PITPNM2: variants seen among roughly 807,000 people sequenced by gnomAD.
PITPNM2 encodes the protein membrane-associated phosphatidylinositol transfer protein 2.
PITPNM2 carries 35 observed loss-of-function variants against 132.2 expected under a neutral mutation model. The ratio of observed to expected loss-of-function variants is 0.26; its 90% CI spans 0.20 to 0.35. The LOEUF (loss-of-function observed/expected upper bound fraction) is 0.35. PITPNM2 is among the 10% of genes least tolerant of loss of function. The pLI is 1.00. For missense variants in PITPNM2, 1,332 were observed against 1,912.0 expected (o/e 0.70, Z 5.66); for synonymous variants, 738 against 799.2 (o/e 0.92, Z 1.29).
In PITPNM2 at chr12:122,993,989, C is replaced by T. The variant is rs922875303; in HGVS notation, c.2233+812G>A. On this transcript the variant is annotated intron_variant, in intron 15 of 25. Coordinates refer to ENST00000320201, the MANE Select transcript of PITPNM2 (RefSeq NM_020845.3). This position sits in a 1 kb window ranked among gnomAD's most constrained non-coding sequence, Gnocchi z 5.2. Reference sequence around the variant, plus strand: ...TCCCGTGTTCAGGCGATTCTCCTGCCTCAGGCTCCCGAGTAGCTGGGATTA... The same window carrying T: ...TCCCGTGTTCAGGCGATTCTCCTGCTTCAGGCTCCCGAGTAGCTGGGATTA... Among the ~76,000 whole-genome samples the T allele has an allele frequency of 2.3e-4, 35 of 152,200 alleles. No homozygotes were observed. The highest frequency in any genetic ancestry group is 7.0e-4 in the African/African-American group (29 of 41,446).
chr12:123,003,928 A>T (rs1265623128), intron 8 of PITPNM2, among the ~76,000 whole-genome samples: 1 of 152,232 alleles, frequency 6.6e-6, no homozygotes, highest in African/African-American at 2.4e-5. Context: ...CTAGTGGGAA[A>T]ATGGGCACTT....
chr12:123,044,352 G>A (rs1245238511), intron 2 of PITPNM2, among the ~76,000 whole-genome samples: 1 of 152,236 alleles, frequency 6.6e-6, no homozygotes, highest in African/African-American at 2.4e-5. Flanking sequence ...TCCTTTAGGG[G>A]TGAAAGGTCT....
chr12:123,131,258 G>T (rs2043255761), intron 1 of PITPNM2, among the ~76,000 whole-genome samples: 1 of 152,168 alleles, frequency 6.6e-6, no homozygotes, highest in Non-Finnish European at 1.5e-5. Flanking sequence ...TAAGAGAAAA[G>T]TCACAGAGGC....
chr12:122,987,107 G>A (rs1370376923), intron 23 of PITPNM2, among the ~76,000 whole-genome samples, 174 bp downstream of exon 23: 1 of 152,268 alleles, frequency 6.6e-6, no homozygotes, highest in African/African-American at 2.4e-5. Context: ...GCTTGCCCAA[G>A]GTGACACGGC....
At chr12:122,989,698 A>G in intron 18 of PITPNM2, 89 bp downstream of exon 18, 1 of 1,244,210 alleles carries the variant, frequency 8.0e-7, no homozygotes, top group Non-Finnish European at 1.0e-6. Flanking sequence ...GTTAGGCCGA[A>G]GCGGGGGTCT....
rs1425467880 is a variant in PITPNM2, at chr12:123,150,688, C to T, written c.-200+65G>A. 6.6e-6 allele frequency among the ~76,000 whole-genome samples: 1 copy of T among 151,226 alleles called. No homozygotes were observed. The highest frequency in any genetic ancestry group is 1.5e-5 in the Non-Finnish European group (1 of 67,678). ...GCCGCCGCCCAGATCCCCAGGTCCCCGGCCAGCGCCCGGCACTGCGGGACT... is the reference window on the plus strand; with the variant it reads ...GCCGCCGCCCAGATCCCCAGGTCCCTGGCCAGCGCCCGGCACTGCGGGACT... On this transcript the variant is annotated intron_variant, in intron 1 of 25. Coordinates refer to ENST00000320201, the MANE Select transcript of PITPNM2 (RefSeq NM_020845.3). This position sits in a 1 kb window ranked among gnomAD's most constrained non-coding sequence, Gnocchi z 6.0.
At chr12:123,018,603 C>T (rs1384417006) in intron 3 of PITPNM2, among the ~76,000 whole-genome samples, 1 of 151,472 alleles carries the variant, frequency 6.6e-6, no homozygotes, top group African/African-American at 2.4e-5. Context: ...CCCAGACATG[C>T]TCAACTAATT....
Position 122,994,120 on chromosome 12 carries a change from C to T in PITPNM2, c.2233+681G>A, listed in dbSNP as rs895759952. ...AACTCCTGACCTCAGCTGATCCGCC[C>T]GCCTCGGCCTCCCAAAGTGCTGGAT... On this transcript the variant is annotated intron_variant, in intron 15 of 25. Coordinates refer to ENST00000320201, the MANE Select transcript of PITPNM2 (RefSeq NM_020845.3). The surrounding 1 kb of genome is among the most constrained non-coding windows in gnomAD (Gnocchi z 5.4). Among the ~76,000 whole-genome samples, 15 of 152,318 alleles carry T rather than the reference C, an allele frequency of 9.8e-5. 1 individual carries two copies. The highest frequency in any genetic ancestry group is 4.1e-4 in the South Asian group (2 of 4,826).
At chr12:123,101,144 A>C (rs1385412747) in intron 2 of PITPNM2, among the ~76,000 whole-genome samples, 2 of 152,156 alleles carry the variant, frequency 1.3e-5, no homozygotes, top group Non-Finnish European at 1.5e-5. Context: ...TGGTTTTCTT[A>C]TTTGTTTTCT....
Position 123,082,581 on chromosome 12 carries a change from C to T in PITPNM2, c.-96+27804G>A, listed in dbSNP as rs1317429291. Among the ~76,000 whole-genome samples, 7 of 152,110 alleles carry T rather than the reference C, an allele frequency of 4.6e-5. No individual in the cohort carries two copies. Among genetic ancestry groups the T allele is most frequent in the South Asian group, 2.1e-4 (1 of 4,828 alleles). On this transcript the variant is annotated intron_variant, in intron 2 of 25. Transcript: ENST00000320201. This position sits in a 1 kb window ranked among gnomAD's most constrained non-coding sequence, Gnocchi z 5.4. ...GCCTCCAAATAGCTGGGAATACAGG[C>T]GCCCACCACCATGCCCGGCTAATTT...
intron 2 of PITPNM2, among the ~76,000 whole-genome samples, chr12:123,056,832 G>T (rs2041045069): frequency 6.6e-6 from 1 of 151,932 alleles, no homozygotes; most frequent in South Asian, 2.1e-4. Context: ...AGAGAATGGG[G>T]ACAACCTGCA....
At chr12:123,061,880 C>T (rs1022903931) in intron 2 of PITPNM2, among the ~76,000 whole-genome samples, 1 of 152,116 alleles carries the variant, frequency 6.6e-6, no homozygotes, top group Non-Finnish European at 1.5e-5. Context: ...ACCCAAGAGC[C>T]GGAGCAGCTA....
chr12:123,129,088 T>C (rs1057047012), intron 1 of PITPNM2, among the ~76,000 whole-genome samples: 1 of 150,664 alleles, frequency 6.6e-6, no homozygotes, highest in African/African-American at 2.4e-5. Flanking sequence ...TGAACCAAGA[T>C]CACTGCCATT....
Position 123,005,416 on chromosome 12 carries a change from T to C in PITPNM2, c.776A>G (p.Gln259Arg). The change falls in exon 7 of 26, where the codon CAG becomes CGG. Residue 259 changes from glutamine to arginine, a missense_variant. By Grantham distance (43) the Gln-to-Arg change is conservative. Coordinates refer to ENST00000320201, the MANE Select transcript of PITPNM2 (RefSeq NM_020845.3). The surrounding 1 kb of genome is among the most constrained non-coding windows in gnomAD (Gnocchi z 6.2). ...AQLMLSRKMA[Q>R]FNEDGEEATE... is the part of the protein sequence containing the mutation. ...GGCCTCCTCACCATCCTCATTGAAC[T>C]GGGCCATCTTACGGGAAAGCATGAG... 7.4e-6 allele frequency: 12 copies of C among 1,614,162 alleles called. No individual in the cohort carries two copies. Among genetic ancestry groups the C allele is most frequent in the Non-Finnish European group, 1.0e-5 (12 of 1,180,032 alleles).
chr12:122,997,119 C>T (rs2038463779), intron 11 of PITPNM2, among the ~76,000 whole-genome samples: 1 of 152,306 alleles, frequency 6.6e-6, no homozygotes, highest in East Asian at 1.9e-4. Context: ...CGTTTGGAAA[C>T]GAAGGCTCAG....
rs1421663141 is a variant in PITPNM2 at position 122,989,902 on chromosome 12, G to A, written c.2616C>T (p.Ser872=). 22 of 1,333,044 alleles carry A rather than the reference G, an allele frequency of 1.7e-5. No homozygotes were observed. The highest frequency in any genetic ancestry group is 2.0e-5 in the Non-Finnish European group (21 of 1,038,084). 82.6% of individuals were successfully genotyped at this position (1,333,044 alleles called of 1,614,324 possible). The part of the protein sequence containing the change: ...LSHTPSVRRL[S]LLALPAPSPT... ...GGCTGGGGGCGGGCAGGGCGAGCAGGGACAGACGCCTGACGCTGGGGGTAT... is the reference window on the plus strand; with the variant it reads ...GGCTGGGGGCGGGCAGGGCGAGCAGAGACAGACGCCTGACGCTGGGGGTAT... The change falls in exon 18 of 26, where the codon TCC becomes TCT. Residue 872 remains serine (S), a synonymous_variant. Transcript: ENST00000320201.
rs1157423695 is a variant in PITPNM2 at position 123,018,635 on chromosome 12, A to C, written c.79-4593T>G. The stretch of plus-strand genomic sequence containing the variant: ...AATTAAAAAATTTTCTTTTGTAGAG[A>C]ATGGAGTCTCACTATGTTGCCCAGG... On this transcript the variant is annotated intron_variant, in intron 3 of 25. Transcript: ENST00000320201. 2.0e-5 allele frequency among the ~76,000 whole-genome samples: 3 copies of C among 151,822 alleles called. No homozygotes were observed. The East Asian group carries it at 5.8e-4, about 29-fold the overall frequency.
At chr12:123,074,619 ACACC>A (rs1038755750) in intron 2 of PITPNM2, among the ~76,000 whole-genome samples, 2 of 151,882 alleles carry the variant, frequency 1.3e-5, no homozygotes, top group African/African-American at 4.8e-5. Flanking sequence ...GCCTACACAT[ACACC>A]CACCCACCCA....
At chr12:123,011,973 C>G (rs950732706) in intron 5 of PITPNM2, among the ~76,000 whole-genome samples, 2 of 152,212 alleles carry the variant, frequency 1.3e-5, no homozygotes, top group Non-Finnish European at 2.9e-5. Context: ...ACACCCACCC[C>G]CAACCCGCAT....
Sources: allele counts gnomAD v4.1 joint callset (sites outside exome capture counted in the v4.1 genomes callset), GRCh38; gene constraint gnomAD v4.1.1; non-coding constraint Gnocchi (gnomAD v3.1); transcripts MANE v1.5; gene names NCBI Gene and HGNC (gene_info 2026-07-23, HGNC 2026-07-21).